Variants in WDR45 observed in about 807,000 individuals in gnomAD.
The protein encoded by WDR45 is WD repeat domain phosphoinositide-interacting protein 4.
In WDR45, 2 loss-of-function variants were observed where a neutral mutation model predicts 27.3. That is an observed-to-expected ratio of 0.07 (90% CI 0.03 to 0.23). The LOEUF (loss-of-function observed/expected upper bound fraction) is 0.23, where lower values mean the gene tolerates loss of function less well. WDR45 is among the 10% of genes least tolerant of loss of function. The probability of loss-of-function intolerance (pLI) is 1.00; values close to 1 mark genes in which losing one functional copy is unlikely to be tolerated. For synonymous variants in WDR45, 99 were observed against 119.2 expected (o/e 0.83, Z 1.11); for missense variants, 175 against 311.9 (o/e 0.56, Z 3.31).
chrX:49,082,159 T>C (rs2065069904), upstream of WDR45: 1 of 110,558 alleles, frequency 9.0e-6, no homozygotes, highest in Admixed American at 9.8e-5. Flanking sequence ...TGACAGTCTA[T>C]GAAGACTGAA....
intron 2 of WDR45, among the ~76,000 whole-genome samples, chrX:49,099,355 C>T (rs975854368): frequency 1.8e-4 from 20 of 110,939 alleles, no homozygotes; most frequent in African/African-American, 5.9e-4. Context: ...ACTAATTGCC[C>T]GGACTTCAAC....
At chrX:49,077,365 TTAAA>T (rs782237440) in intron 4 of WDR45, 2 of 393,480 alleles carry the variant, frequency 5.1e-6, no homozygotes, top group East Asian at 8.8e-5. Flanking sequence ...ACTGTGAGGA[TTAAA>T]TGAGTTAATA....
At chrX:49,080,888 A>ATTTTTTTTTTT (rs782319738), upstream of WDR45, among the ~76,000 whole-genome samples, 1 of 42,428 alleles carries the variant, frequency 2.4e-5, no homozygotes, top group Non-Finnish European at 4.0e-5. Flanking sequence ...ACTGGAAGGA[A>ATTTTTTTTTTT]TTTTTTTTTT....
At chrX:49,099,789 AAAAAC>A (rs2147831994) in intron 2 of WDR45, among the ~76,000 whole-genome samples, 1 of 95,016 alleles carries the variant, frequency 1.1e-5, no homozygotes, top group African/African-American at 3.8e-5. Flanking sequence ...TCAAAAAAAA[AAAAAC>A]AAAAAAAAAC....
In WDR45 at chrX:49,075,679, A is replaced by G; in HGVS notation, c.591T>C (p.Cys197=). The G allele has an allele frequency of 8.3e-7, 1 of 1,211,462 alleles. No individual in the cohort carries two copies. The highest frequency in any genetic ancestry group is 1.1e-6 in the Non-Finnish European group (1 of 895,353). ...TINAHQSDIA[C]VSLNQPGTVV... ...CAGTGCCTGGCTGGTTTAGAGACACACAGGCTATGTCACTCTGATGTGCAT... is the reference window on the plus strand; with the variant it reads ...CAGTGCCTGGCTGGTTTAGAGACACGCAGGCTATGTCACTCTGATGTGCAT... Residue 197 remains cysteine, a synonymous_variant, in exon 8 of 11, where the codon TGT becomes TGC. Transcript: ENST00000376372.
chrX:49,097,842 G>C (rs1459718612), intron 2 of WDR45, among the ~76,000 whole-genome samples: 1 of 107,398 alleles, frequency 9.3e-6, no homozygotes, highest in Non-Finnish European at 1.9e-5. Flanking sequence ...ATTTTTAGTA[G>C]AGATGGGGTT....
intron 2 of WDR45, among the ~76,000 whole-genome samples, chrX:49,093,050 C>T (rs1244302627): frequency 1.8e-5 from 2 of 110,152 alleles, no homozygotes; most frequent in East Asian, 2.8e-4. Context: ...ATTCTCCTGC[C>T]TCAGCCTCCC....
upstream of WDR45, among the ~76,000 whole-genome samples, chrX:49,084,638 A>T (rs1236111733): frequency 1.0e-5 from 1 of 98,410 alleles, no homozygotes; most frequent in Non-Finnish European, 2.0e-5. Flanking sequence ...TGAAACAATG[A>T]TTTTTTTTTT....
In WDR45 at chrX:49,074,567, A is replaced by C. The variant is rs1161054533; in HGVS notation, c.*236T>G. 2 of 402,580 alleles carry C rather than the reference A, an allele frequency of 5.0e-6. No homozygotes were observed. Among genetic ancestry groups the C allele is most frequent in the East Asian group, 8.0e-5 (2 of 25,053 alleles). 33.2% of individuals were successfully genotyped at this position (402,580 alleles called of 1,213,427 possible). A position where few individuals can be genotyped will look rare whatever the true frequency, so the allele number is the denominator to read the frequency against. On this transcript the variant is annotated 3_prime_UTR_variant, in exon 11 of 11. Coordinates refer to ENST00000376372, the MANE Select transcript of WDR45 (RefSeq NM_001029896.2). Reference sequence around the variant, plus strand: ...GGTCCCTGGCAATTTCCTCCAGGTTAGGGATCCCAAGGGGTCGCTGCCTTC... The same window carrying C: ...GGTCCCTGGCAATTTCCTCCAGGTTCGGGATCCCAAGGGGTCGCTGCCTTC...
At chrX:49,083,316 GTTTTTT>G (rs781995765), upstream of WDR45, among the ~76,000 whole-genome samples, 2 of 72,025 alleles carry the variant, frequency 2.8e-5, no homozygotes, top group African/African-American at 1.2e-4. Flanking sequence ...CCGGCCTCTC[GTTTTTT>G]TTTTTTTTTT....
At chrX:49,076,319 C>T in intron 6 of WDR45, 111 bp downstream of exon 6, 1 of 847,438 alleles carries the variant, frequency 1.2e-6, no homozygotes, top group Non-Finnish European at 1.7e-6. Context: ...CTCCCTGCCT[C>T]TTTCCCCATT....
intron 2 of WDR45, among the ~76,000 whole-genome samples, chrX:49,084,992 A>T (rs1557085740): frequency 1.8e-5 from 2 of 112,021 alleles, no homozygotes; most frequent in African/African-American, 6.5e-5. Flanking sequence ...GATCCCTGAA[A>T]GATGGGAAAC....
chrX:49,075,858 C>T lies in WDR45; in HGVS notation c.516+8G>A, dbSNP rs782215240. ...AACCTACCCACCCTTGTCCACTGGA[C>T]GGCTCACCACAAGTTGCAGACTCCC... On this transcript the variant is annotated splice_region_variant and intron_variant, in intron 7 of 10. Transcript: ENST00000376372. 19 of 1,206,699 alleles carry T rather than the reference C, an allele frequency of 1.6e-5. No individual in the cohort carries two copies. The highest frequency in any genetic ancestry group is 3.5e-5 in the South Asian group (2 of 56,341).
chrX:49,097,330 G>GTTT (rs782550987), intron 2 of WDR45, among the ~76,000 whole-genome samples: 1,266 of 91,648 alleles, frequency 0.014, 35 homozygotes, highest in Non-Finnish European at 0.021. Flanking sequence ...CCAGCTAATT[G>GTTT]TTTTTTTTTT....
chrX:49,096,170 C>T (rs1320410126), intron 2 of WDR45, among the ~76,000 whole-genome samples: 14 of 111,124 alleles, frequency 1.3e-4, no homozygotes, highest in Non-Finnish European at 2.3e-4. Context: ...TATGTAGTAA[C>T]TGACATGTGC....
At chrX:49,095,404 G>T (rs1294732823) in intron 2 of WDR45, among the ~76,000 whole-genome samples, 1 of 108,929 alleles carries the variant, frequency 9.2e-6, no homozygotes, top group Admixed American at 1.0e-4. Flanking sequence ...ACTTTGGGAG[G>T]CCAAGGCGGG....
intron 2 of WDR45, among the ~76,000 whole-genome samples, chrX:49,093,323 C>G (rs1368119400): frequency 9.0e-6 from 1 of 110,564 alleles, no homozygotes; most frequent in Admixed American, 9.8e-5. Flanking sequence ...GCTCTTGTCA[C>G]CCAGGCTGGA....
chrX:49,080,216 G>A (rs2065060675), upstream of WDR45: 1 of 112,202 alleles, frequency 8.9e-6, no homozygotes, highest in South Asian at 3.7e-4. Flanking sequence ...CTGCTAACAA[G>A]ACGCGGACCT....
intron 2 of WDR45, among the ~76,000 whole-genome samples, chrX:49,098,446 A>G (rs1261304503): frequency 1.9e-5 from 2 of 106,766 alleles, no homozygotes; most frequent in African/African-American, 6.9e-5. Context: ...CAGTGAGTCA[A>G]GACCGTGCCA....
Sources: allele counts gnomAD v4.1 joint callset (sites outside exome capture counted in the v4.1 genomes callset), GRCh38; gene constraint gnomAD v4.1.1; transcripts MANE v1.5; gene names NCBI Gene and HGNC (gene_info 2026-07-23, HGNC 2026-07-21).